Variants in RDX observed in about 807,000 individuals in gnomAD.
RDX encodes the protein radixin.
In RDX, 32 loss-of-function variants were observed where a neutral mutation model predicts 83.7. The ratio of observed to expected loss-of-function variants is 0.38; its 90% CI spans 0.29 to 0.51. The LOEUF (loss-of-function observed/expected upper bound fraction) is 0.51, where lower values mean the gene tolerates loss of function less well. RDX is among the 20% of genes least tolerant of loss of function. The pLI, the probability that RDX is intolerant of heterozygous loss-of-function variation, is 0.87. For synonymous variants in RDX, 229 were observed against 222.7 expected (o/e 1.03, Z -0.25); for missense variants, 600 against 689.9 (o/e 0.87, Z 1.46).
intron 10 of RDX, among the ~76,000 whole-genome samples, chr11:110,246,903 CTTGTTTTACCAA>C (rs1157653431): frequency 1.3e-5 from 2 of 152,264 alleles, no homozygotes; most frequent in South Asian, 4.1e-4. Flanking sequence ...AACTGAATAG[CTTGTTTTACCAA>C]TTGTAAGAAA....
intron 1 of RDX, among the ~76,000 whole-genome samples, chr11:110,280,456 C>T (rs2134424549): frequency 6.6e-6 from 1 of 152,302 alleles, no homozygotes; most frequent in East Asian, 1.9e-4. Context: ...CCCTATGTTG[C>T]TCAAGCTGTC....
intron 1 of RDX, among the ~76,000 whole-genome samples, chr11:110,296,021 C>G (rs1382156383): frequency 1.3e-5 from 2 of 152,266 alleles, no homozygotes; most frequent in African/African-American, 4.8e-5. Context: ...AAATCGAATT[C>G]TACCTACGCT....
intron 3 of RDX, among the ~76,000 whole-genome samples, chr11:110,270,420 C>T (rs1479227113): frequency 1.3e-5 from 2 of 152,066 alleles, no homozygotes; most frequent in African/African-American, 4.8e-5. Flanking sequence ...TACACTCTTA[C>T]GGGACCACTG....
chr11:110,224,187 T>C (rs1185041241), intron 14 of RDX, among the ~76,000 whole-genome samples: 1 of 151,678 alleles, frequency 6.6e-6, no homozygotes, highest in Non-Finnish European at 1.5e-5. Context: ...GAAAGAGTTA[T>C]TTTTCTAACC....
At chr11:110,262,002 A>G (rs1036800816) in intron 5 of RDX, among the ~76,000 whole-genome samples, 5 of 152,244 alleles carry the variant, frequency 3.3e-5, no homozygotes, top group Non-Finnish European at 7.3e-5. Flanking sequence ...GTTTAGATAA[A>G]GCATTCCTAT....
chr11:110,217,888 C>T, intron 14 of RDX, among the ~76,000 whole-genome samples: 1 of 141,126 alleles, frequency 7.1e-6, no homozygotes, highest in Middle Eastern at 3.4e-3. Context: ...AATTATTTAA[C>T]TCTTCTGTTT....
At position 110,237,504 on chromosome 11, in the gene RDX, A is replaced by C; in HGVS notation, c.1239T>G (p.Asn413Lys). ...IAKQAADQMK[N>K]QEQLAAELAE... ...GACAGTTCCTTACTAGCTGCTCCTG[A>C]TTCTTCATCTGGTCGGCAGCTTGTT... The change falls in exon 11 of 14, where the codon AAT (asparagine) becomes AAG (lysine). Residue 413 changes from asparagine to lysine, a missense_variant. Physicochemically the swap from Asn to Lys is moderately conservative, Grantham distance 94. Transcript: ENST00000645495. 4.3e-6 allele frequency: 7 copies of C among 1,612,436 alleles called. No homozygotes were observed. The highest frequency in any genetic ancestry group is 5.9e-6 in the Non-Finnish European group (7 of 1,179,992).
chr11:110,239,141 AT>A (rs544211480), intron 10 of RDX, among the ~76,000 whole-genome samples: 5 of 151,956 alleles, frequency 3.3e-5, no homozygotes, highest in Admixed American at 6.6e-5. Flanking sequence ...AAAAAAAAAA[AT>A]CAGTAGCTAT....
At chr11:110,182,207 C>T (rs1017156146) in intron 15 of RDX, among the ~76,000 whole-genome samples, 11 of 152,210 alleles carry the variant, frequency 7.2e-5, no homozygotes, top group African/African-American at 2.4e-4. Flanking sequence ...CCAAGGGAGA[C>T]GCGGAAGAGG....
chr11:110,230,807 G>A lies in RDX; in HGVS notation c.*1062C>T, dbSNP rs1235350250. 3 of 152,504 alleles carry A rather than the reference G, an allele frequency of 2.0e-5. No homozygotes were observed. Among genetic ancestry groups the A allele is most frequent in the South Asian group, 4.1e-4 (2 of 4,824 alleles). 9.4% of individuals were successfully genotyped at this position (152,504 alleles called of 1,614,324 possible). A position where few individuals can be genotyped will look rare whatever the true frequency, so the allele number is the denominator to read the frequency against. ...ATTTCGAAAGTATTTCTTGATGATC[G>A]AGGCTATGGTTATGAATTATAAAAC... is the stretch of plus-strand genomic sequence containing the variant. On this transcript the variant is annotated 3_prime_UTR_variant, in exon 14 of 14. Transcript: ENST00000645495.
At chr11:110,179,167 G>A (rs912459723) in intron 15 of RDX, among the ~76,000 whole-genome samples, 7 of 152,172 alleles carry the variant, frequency 4.6e-5, no homozygotes, top group South Asian at 4.1e-4. Context: ...GCCAGAAGCC[G>A]GGGAACTGAT....
chr11:110,268,797 G>T (rs1175376222), intron 3 of RDX, among the ~76,000 whole-genome samples: 3 of 151,550 alleles, frequency 2.0e-5, no homozygotes, highest in Non-Finnish European at 4.4e-5. Context: ...ATATATTTTA[G>T]TGAGGCTGTC....
intron 9 of RDX, among the ~76,000 whole-genome samples, chr11:110,249,256 C>G (rs1333165110): frequency 6.6e-6 from 1 of 152,082 alleles, no homozygotes; most frequent in Non-Finnish European, 1.5e-5. Flanking sequence ...CTTTAATGTT[C>G]CACAAAAAGA....
At chr11:110,288,658 C>T (rs1454938801) in intron 1 of RDX, among the ~76,000 whole-genome samples, 1 of 152,144 alleles carries the variant, frequency 6.6e-6, no homozygotes, top group East Asian at 1.9e-4. Flanking sequence ...CTAACACAGT[C>T]AACGAGGCTA....
At chr11:110,253,100 A>G (rs12362889) in intron 9 of RDX, among the ~76,000 whole-genome samples, 43,185 of 152,164 alleles carry the variant, frequency 0.28, 6,657 homozygotes, top group Middle Eastern at 0.36. Context: ...GTTGTTGAAT[A>G]AGAAAAAAAA....
At chr11:110,293,847 C>G (rs1400894666) in intron 1 of RDX, among the ~76,000 whole-genome samples, 1 of 152,194 alleles carries the variant, frequency 6.6e-6, no homozygotes, top group Non-Finnish European at 1.5e-5. Context: ...CTTAATAAAA[C>G]AGATTTTTTT....
intron 14 of RDX, among the ~76,000 whole-genome samples, chr11:110,201,956 T>TGTGTGTGTGTGTGTGTG (rs1565288339): frequency 6.7e-6 from 1 of 148,158 alleles, no homozygotes; most frequent in African/African-American, 2.5e-5. Flanking sequence ...TGTGTGTGTG[T>TGTGTGTGTGTGTGTGTG]TTTCAGTAGA....
At chr11:110,225,011 G>C (rs1864385842), downstream of RDX, among the ~76,000 whole-genome samples, 1 of 152,140 alleles carries the variant, frequency 6.6e-6, no homozygotes, top group South Asian at 2.1e-4. Flanking sequence ...TAGGATTCAA[G>C]GCTCCATAAA....
At chr11:110,175,234 C>A (rs984842233) in exon 16 of RDX, 14 of 152,172 alleles carry the variant, frequency 9.2e-5, no homozygotes, top group African/African-American at 3.4e-4. Flanking sequence ...TCTTTGTAGC[C>A]CTGGAGAGTA....
Sources: gnomAD v4.1 joint callset for allele counts (sites outside exome capture counted in the v4.1 genomes callset) on GRCh38, gnomAD v4.1.1 for gene constraint, MANE v1.5 for transcripts, NCBI Gene and HGNC (gene_info 2026-07-23, HGNC 2026-07-21) for gene names.